SEPTIN9: variants seen among roughly 807,000 people sequenced by gnomAD.
SEPTIN9 encodes septin-9.
SEPTIN9 carries 13 observed loss-of-function variants against 56.6 expected under a neutral mutation model. The observed-to-expected ratio is 0.23, with a 90% CI of 0.15 to 0.37. The LOEUF is 0.37. Among genes scored for constraint, SEPTIN9 ranks in the 10% least tolerant of loss-of-function variants. The pLI is 1.00. For missense variants in SEPTIN9, 650 were observed against 823.1 expected (o/e 0.79, Z 2.57); for synonymous variants, 332 against 334.1 (o/e 0.99, Z 0.07).
chr17:77,459,432 G>A (rs773401667), intron 3 of SEPTIN9, among the ~76,000 whole-genome samples: 11 of 152,198 alleles, frequency 7.2e-5, no homozygotes, highest in East Asian at 1.9e-4. Context: ...ACCCGGGCCC[G>A]GTCTGTGAGG....
rs377628780 is a variant in SEPTIN9, at chr17:77,367,941, T to A, written c.77-34118T>A. 6.6e-5 allele frequency among the ~76,000 whole-genome samples: 10 copies of A among 152,370 alleles called. No individual in the cohort carries two copies. In the East Asian group the frequency reaches 7.7e-4, roughly 12 times the overall value. Reference sequence around the variant, plus strand: ...CTCAATTGCTCAAATGTGGAAGGAATGGATATACAAAGTGTGTGTACACAC... The same window carrying A: ...CTCAATTGCTCAAATGTGGAAGGAAAGGATATACAAAGTGTGTGTACACAC... On this transcript the variant is annotated intron_variant, in intron 2 of 11. Coordinates refer to ENST00000427177, the MANE Select transcript of SEPTIN9 (RefSeq NM_001113491.2). The surrounding 1 kb of genome is among the most constrained non-coding windows in gnomAD (Gnocchi z 4.5).
intron 3 of SEPTIN9, among the ~76,000 whole-genome samples, chr17:77,443,082 G>A (rs186719218): frequency 1.1e-4 from 16 of 151,764 alleles, no homozygotes; most frequent in Non-Finnish European, 2.2e-4. Flanking sequence ...TCTTAATAGG[G>A]GAAATGGAAG....
chr17:77,285,524 A>G (rs968908007), intron 1 of SEPTIN9, among the ~76,000 whole-genome samples: 9 of 152,050 alleles, frequency 5.9e-5, no homozygotes, highest in Non-Finnish European at 1.3e-4. Context: ...CAGCCTCCTG[A>G]GTAGCTGGGA....
intron 2 of SEPTIN9, among the ~76,000 whole-genome samples, chr17:77,399,387 C>T (rs937844403): frequency 5.9e-5 from 9 of 152,216 alleles, no homozygotes; most frequent in Admixed American, 5.9e-4. Flanking sequence ...CTGAGGACAC[C>T]TGGAAGCCGG....
intron 2 of SEPTIN9, among the ~76,000 whole-genome samples, chr17:77,335,536 A>T (rs886607520): frequency 1.3e-5 from 2 of 150,562 alleles, no homozygotes; most frequent in Non-Finnish European, 3.0e-5. Context: ...GTATATGTAC[A>T]TATATACATG....
At chr17:77,288,928 C>T (rs572097157) in intron 1 of SEPTIN9, among the ~76,000 whole-genome samples, 4 of 152,298 alleles carry the variant, frequency 2.6e-5, no homozygotes, top group South Asian at 2.1e-4. Flanking sequence ...GTGGATTTCT[C>T]GCCAGTGTTG....
chr17:77,292,422 C>T lies in SEPTIN9; in HGVS notation c.19+10868C>T, dbSNP rs145218012. Among the ~76,000 whole-genome samples the T allele has an allele frequency of 2.9e-3, 444 of 152,016 alleles. 5 individuals are homozygous for T. In the Middle Eastern group the frequency reaches 0.045, roughly 15 times the overall value. ...TTAATCAGAAGGGATCCAAGGCTGG[C>T]GTAGCCTTTTCCCGCATCCTGGGGT... On this transcript the variant is annotated intron_variant, in intron 1 of 11. Transcript: ENST00000427177.
intron 2 of SEPTIN9, among the ~76,000 whole-genome samples, chr17:77,346,061 C>A (rs1288885482): frequency 6.6e-6 from 1 of 152,098 alleles, no homozygotes; most frequent in Non-Finnish European, 1.5e-5. Flanking sequence ...AGCCATTCTC[C>A]TGCCTCAGCC....
intron 2 of SEPTIN9, among the ~76,000 whole-genome samples, chr17:77,341,994 A>G (rs2143761493): frequency 6.6e-6 from 1 of 151,162 alleles, no homozygotes; most frequent in East Asian, 1.9e-4. Flanking sequence ...GAGGCAGGAG[A>G]ATGGCGTGAA....
rs141837551 is a variant in SEPTIN9, at chr17:77,334,013, C to G, written c.76+26816C>G. Among the ~76,000 whole-genome samples, 38 of 152,190 alleles carry G rather than the reference C, an allele frequency of 2.5e-4. No individual in the cohort carries two copies. In the East Asian group the frequency reaches 7.3e-3, roughly 29 times the overall value. On this transcript the variant is annotated intron_variant, in intron 2 of 11. Coordinates refer to ENST00000427177, the MANE Select transcript of SEPTIN9 (RefSeq NM_001113491.2). Reference sequence around the variant, plus strand: ...CTTGAAAGAATGAACACCTTGTTCCCCAGCTACAGGCTTCTGCTCTTTGTC... The same window carrying G: ...CTTGAAAGAATGAACACCTTGTTCCGCAGCTACAGGCTTCTGCTCTTTGTC...
At chr17:77,419,663 C>T (rs1394081453) in intron 3 of SEPTIN9, 1 of 151,922 alleles carries the variant, frequency 6.6e-6, no homozygotes, top group Admixed American at 6.5e-5. Flanking sequence ...TGCAGGCCTG[C>T]CTTAGGCCGT....
At chr17:77,411,286 A>G (rs767921448) in intron 3 of SEPTIN9, among the ~76,000 whole-genome samples, 1 of 152,160 alleles carries the variant, frequency 6.6e-6, no homozygotes, top group Non-Finnish European at 1.5e-5. Context: ...ATGTGTAAAT[A>G]TAGACTTTTC....
intron 2 of SEPTIN9, among the ~76,000 whole-genome samples, chr17:77,335,041 C>G (rs936535412): frequency 6.6e-6 from 1 of 151,080 alleles, no homozygotes. Flanking sequence ...CATATTGGCC[C>G]TATGTTGACT....
chr17:77,490,930 A>G, intron 8 of SEPTIN9, 71 bp downstream of exon 8: 1 of 1,212,826 alleles, frequency 8.2e-7, no homozygotes, highest in Non-Finnish European at 1.2e-6. Context: ...GGCAGGGGCC[A>G]CCCCGTCTAA....
chr17:77,326,646 G>T lies in SEPTIN9; in HGVS notation c.76+19449G>T, dbSNP rs1272285388. ...ACTTGGTTTTCATCTCCATTTCCTGGCACACAACTCCTAAAATCCTTGGAA... is the reference window on the plus strand; with the variant it reads ...ACTTGGTTTTCATCTCCATTTCCTGTCACACAACTCCTAAAATCCTTGGAA... On this transcript the variant is annotated intron_variant, in intron 2 of 11. Transcript: ENST00000427177. This position sits in a 1 kb window ranked among gnomAD's most constrained non-coding sequence, Gnocchi z 5.1. 6.6e-6 allele frequency among the ~76,000 whole-genome samples: 1 copy of T among 152,180 alleles called. No homozygotes were observed. The highest frequency in any genetic ancestry group is 1.5e-5 in the Non-Finnish European group (1 of 68,048).
At chr17:77,474,774 TC>T (rs1413238298) in intron 3 of SEPTIN9, among the ~76,000 whole-genome samples, 1 of 152,214 alleles carries the variant, frequency 6.6e-6, no homozygotes, top group African/African-American at 2.4e-5. Context: ...GCCCTCTCGG[TC>T]TCGGTTTCCT....
intron 3 of SEPTIN9, among the ~76,000 whole-genome samples, chr17:77,479,719 A>G (rs2039371664): frequency 7.1e-6 from 1 of 140,022 alleles, no homozygotes; most frequent in African/African-American, 2.8e-5. Flanking sequence ...GCGAGAAAGG[A>G]GAGTTCAGGG....
intron 1 of SEPTIN9, chr17:77,286,320 C>G (rs1182817510): frequency 1.3e-5 from 2 of 152,376 alleles, no homozygotes; most frequent in Non-Finnish European, 2.9e-5. Context: ...TCTCCCCGGC[C>G]TGCCCAGAGG....
chr17:77,322,416 C>T (rs1411874442), intron 2 of SEPTIN9, among the ~76,000 whole-genome samples: 3 of 152,220 alleles, frequency 2.0e-5, no homozygotes, highest in Non-Finnish European at 2.9e-5. Context: ...AAATCCCATT[C>T]GGATGTGTTT....
Sources: gnomAD v4.1 joint callset for allele counts (sites outside exome capture counted in the v4.1 genomes callset) on GRCh38, gnomAD v4.1.1 for gene constraint, Gnocchi (gnomAD v3.1) non-coding constraint, MANE v1.5 for transcripts, NCBI Gene and HGNC (gene_info 2026-07-23, HGNC 2026-07-21) for gene names.